RHOV: variants seen among roughly 807,000 people sequenced by gnomAD.
RHOV encodes ras homolog family member V.
In RHOV, 6 loss-of-function variants were observed where a neutral mutation model predicts 20.2. The observed-to-expected ratio is 0.30, with a 90% CI of 0.16 to 0.59. The LOEUF is 0.59. Ranked by LOEUF, RHOV falls within the 20% of genes least tolerant of loss-of-function variation. RHOV has a pLI of 0.89. For synonymous variants in RHOV, 136 were observed against 142.3 expected (o/e 0.96, Z 0.31); for missense variants, 275 against 319.4 (o/e 0.86, Z 1.06).
intron 1 of RHOV, 35 bp from the exon 2 acceptor site, chr15:40,873,777 A>G (rs1891922015): frequency 1.2e-6 from 2 of 1,607,724 alleles, no homozygotes; most frequent in East Asian, 2.2e-5. Context: ...CTGAGTTAGG[A>G]AGAGCGTCCT....
rs1296103748 is a variant in RHOV at position 40,873,075 on chromosome 15, ACTT to A, written c.691_693del (p.Lys231del). 4 of 1,613,898 alleles carry A rather than the reference ACTT, an allele frequency of 2.5e-6. No individual in the cohort carries two copies. The highest frequency in any genetic ancestry group is 2.2e-5 in the East Asian group (1 of 44,884). On this transcript the variant is annotated inframe_deletion, in exon 3 of 3. Transcript: ENST00000220507. ...ATAGCTGCTCAAACGAAGCAGAAGA[ACTT>A]CTTCCAGCGGCAGCGGGAGAGGGTG...
At position 40,872,940 on chromosome 15, in the gene RHOV, G is replaced by A; in HGVS notation, c.*118C>T. 1.4e-6 allele frequency: 1 copy of A among 717,136 alleles called. No homozygotes were observed. The allele number at this position is 717,136 out of a possible 1,614,324, so 44.4% of individuals were successfully genotyped here. A position where few individuals can be genotyped will look rare whatever the true frequency, so the allele number is the denominator to read the frequency against. The stretch of plus-strand genomic sequence containing the variant: ...CCCATGTCCCCCGAGTGTTCAGAAG[G>A]GAACTGAGTCCTATGAGGTGGCCAG... On this transcript the variant is annotated 3_prime_UTR_variant, in exon 3 of 3. Transcript: ENST00000220507.
In RHOV at chr15:40,873,969, G is replaced by A. The variant is rs1166232074; in HGVS notation, c.171C>T (p.Pro57=). 1 of 1,611,332 alleles carries A rather than the reference G, an allele frequency of 6.2e-7. No homozygotes were observed. Among genetic ancestry groups the A allele is most frequent in the Non-Finnish European group, 8.5e-7 (1 of 1,179,168 alleles). The change falls in exon 1 of 3, where the codon CCC becomes CCT. Residue 57 remains proline, a synonymous_variant. Coordinates refer to ENST00000220507, the MANE Select transcript of RHOV (RefSeq NM_133639.4). ...CCAGCGCAGTGGGCCGGTAGCGCGCGGGGTACCCATTGCAGGTGTAGCTGA... is the reference window on the plus strand; with the variant it reads ...CCAGCGCAGTGGGCCGGTAGCGCGCAGGGTACCCATTGCAGGTGTAGCTGA... ...LIVSYTCNGY[P]ARYRPTALDT...
chr15:40,873,632 G>A lies in RHOV; in HGVS notation c.267+52C>T, dbSNP rs1891919533. Reference sequence around the variant, plus strand: ...ATTTGCTCCATATGGGGTCCTCCCAGCCTCCAGCCCATCTCCCCGCAGACC... The same window carrying A: ...ATTTGCTCCATATGGGGTCCTCCCAACCTCCAGCCCATCTCCCCGCAGACC... On this transcript the variant is annotated intron_variant, in intron 2 of 2. Coordinates refer to ENST00000220507, the MANE Select transcript of RHOV (RefSeq NM_133639.4). 4 of 1,601,832 alleles carry A rather than the reference G, an allele frequency of 2.5e-6. No individual in the cohort carries two copies. The East Asian group carries it at 8.9e-5, about 36-fold the overall frequency.
chr15:40,873,610 T>C (rs1412684358), intron 2 of RHOV, 74 bp downstream of exon 2: 6 of 1,587,820 alleles, frequency 3.8e-6, no homozygotes, highest in Non-Finnish European at 3.5e-6. Flanking sequence ...TTTCTCCATT[T>C]GCTCCATATG....
In RHOV at chr15:40,873,683, C is replaced by A. The variant is rs143571101; in HGVS notation, c.267+1G>T. 3.7e-6 allele frequency: 6 copies of A among 1,613,950 alleles called. No homozygotes were observed. In the African/African-American group the frequency reaches 8.0e-5, roughly 22 times the overall value. ...AGTAGAGGCCGCGCCCAGCTTCTCA[C>A]CTGTCCCGCTGTGTCCCAGAGCTCA... On this transcript the variant is annotated splice_donor_variant, in intron 2 of 2. Coordinates refer to ENST00000220507, the MANE Select transcript of RHOV (RefSeq NM_133639.4). LOFTEE classifies it high-confidence loss of function.
At position 40,873,826 on chromosome 15, in the gene RHOV, C is replaced by T. The variant is rs545741242; in HGVS notation, c.209-84G>A. ...GCCACCTCGGGGCCTGCTCCAGTCT[C>T]CTCCCCGGGGTCCTCTGCGCCCTCC... On this transcript the variant is annotated intron_variant, in intron 1 of 2. Transcript: ENST00000220507. 4.1e-5 allele frequency: 63 copies of T among 1,550,640 alleles called. No homozygotes were observed. The African/African-American group carries it at 8.0e-4, about 20-fold the overall frequency.
In RHOV at chr15:40,873,951, A is replaced by T. The variant is rs778012702; in HGVS notation, c.189T>A (p.Thr63=). The T allele has an allele frequency of 2.5e-6, 4 of 1,611,052 alleles. No individual in the cohort carries two copies. In the African/African-American group the frequency reaches 4.0e-5, roughly 16 times the overall value. ...ACGTACCAGAGAAGGTGTCCAGCGCAGTGGGCCGGTAGCGCGCGGGGTACC... is the reference window on the plus strand; with the variant it reads ...ACGTACCAGAGAAGGTGTCCAGCGCTGTGGGCCGGTAGCGCGCGGGGTACC... ...CNGYPARYRP[T]ALDTFSVQVL... Residue 63 remains threonine (T), a synonymous_variant, in exon 1 of 3, where the codon ACT becomes ACA. Transcript: ENST00000220507.
At position 40,872,619 on chromosome 15, in the gene RHOV, C is replaced by T. The variant is rs1891900064; in HGVS notation, c.*439G>A. 1 of 162,458 alleles carries T rather than the reference C, an allele frequency of 6.2e-6. No homozygotes were observed. Among genetic ancestry groups the T allele is most frequent in the Non-Finnish European group, 1.3e-5 (1 of 74,692 alleles). The allele number at this position is 162,458 out of a possible 1,614,324, so 10.1% of individuals were successfully genotyped here. A position where few individuals can be genotyped will look rare whatever the true frequency, so the allele number is the denominator to read the frequency against. ...TCTCTCAATCTCTCGCCCACTCCATCCCAAACTTCTCTCCAAATCGGGGTT... is the reference window on the plus strand; with the variant it reads ...TCTCTCAATCTCTCGCCCACTCCATTCCAAACTTCTCTCCAAATCGGGGTT... On this transcript the variant is annotated 3_prime_UTR_variant, in exon 3 of 3. Coordinates refer to ENST00000220507, the MANE Select transcript of RHOV (RefSeq NM_133639.4).
rs1016053913 is a variant in RHOV at position 40,872,872 on chromosome 15, C to A, written c.*186G>T. The A allele has an allele frequency of 3.6e-6, 2 of 561,318 alleles. No individual in the cohort carries two copies. The highest frequency in any genetic ancestry group is 6.3e-6 in the Non-Finnish European group (2 of 317,758). 34.8% of individuals were successfully genotyped at this position (561,318 alleles called of 1,614,324 possible). The stretch of plus-strand genomic sequence containing the variant: ...TGGAGAAATCCAAATCAGAGCCTTC[C>A]CTCCTAGGCTCACCCAGGCATATCA... On this transcript the variant is annotated 3_prime_UTR_variant, in exon 3 of 3. Transcript: ENST00000220507.
chr15:40,873,663 A>T (rs1891920160), intron 2 of RHOV, 21 bp downstream of exon 2: 1 of 1,613,512 alleles, frequency 6.2e-7, no homozygotes, highest in South Asian at 1.1e-5. Flanking sequence ...AGACCAGTAG[A>T]GGCCGCGCCC....
chr15:40,872,959 T>A lies in RHOV; in HGVS notation c.*99A>T. The stretch of plus-strand genomic sequence containing the variant: ...CAGAAGGGAACTGAGTCCTATGAGG[T>A]GGCCAGGCCCTGCCAGTAGCTGCCG... On this transcript the variant is annotated 3_prime_UTR_variant, in exon 3 of 3. Transcript: ENST00000220507. 1 of 836,000 alleles carries A rather than the reference T, an allele frequency of 1.2e-6. No homozygotes were observed. The highest frequency in any genetic ancestry group is 2.0e-6 in the Non-Finnish European group (1 of 512,300). 51.8% of individuals were successfully genotyped at this position (836,000 alleles called of 1,614,324 possible).
At chr15:40,873,840 T>A in intron 1 of RHOV, 92 bp downstream of exon 1, 2 of 1,538,064 alleles carry the variant, frequency 1.3e-6, no homozygotes, top group South Asian at 1.2e-5. Flanking sequence ...CCCGGGGTCC[T>A]CTGCGCCCTC....
At chr15:40,873,576 C>G in intron 2 of RHOV, 75 bp from the exon 3 acceptor site, 1 of 1,586,556 alleles carries the variant, frequency 6.3e-7, no homozygotes, top group South Asian at 1.1e-5. Flanking sequence ...GGGCTGGAAA[C>G]CTGAGACTCC....
rs1193429866 is a variant in RHOV, at chr15:40,874,053, C to T, written c.87G>A (p.Glu29=). The change falls in exon 1 of 3, where the codon GAG becomes GAA. Residue 29 remains glutamate (E), a synonymous_variant. Coordinates refer to ENST00000220507, the MANE Select transcript of RHOV (RefSeq NM_133639.4). The part of the protein sequence containing the change: ...PPPRRRSAPP[E]LGIKCVLVGD... Reference sequence around the variant, plus strand: ...CCACCAGCACGCACTTGATGCCCAGCTCTGGGGGCGCGCTACGCCGCCGCG... The same window carrying T: ...CCACCAGCACGCACTTGATGCCCAGTTCTGGGGGCGCGCTACGCCGCCGCG... The T allele has an allele frequency of 4.5e-6, 7 of 1,570,046 alleles. 1 individual carries two copies. Among genetic ancestry groups the T allele is most frequent in the Non-Finnish European group, 1.7e-6 (2 of 1,162,416 alleles).
chr15:40,874,119 G>C lies in RHOV; in HGVS notation c.21C>G (p.Ser7Arg), dbSNP rs760568024. 48 of 1,364,114 alleles carry C rather than the reference G, an allele frequency of 3.5e-5. No individual in the cohort carries two copies. Among genetic ancestry groups the C allele is most frequent in the Non-Finnish European group, 4.5e-5 (48 of 1,064,524 alleles). 84.5% of individuals were successfully genotyped at this position (1,364,114 alleles called of 1,614,324 possible). The change falls in exon 1 of 3, where the codon AGC becomes AGG. Residue 7 changes from serine to arginine, a missense_variant. Coordinates refer to ENST00000220507, the MANE Select transcript of RHOV (RefSeq NM_133639.4). The stretch of plus-strand genomic sequence containing the variant: ...CCCGGAGCGGGGGCGGCTCGGCCTC[G>C]CTCAGCTCCCGCGGCGGCATGGCCC... MPPREL[S>R]EAEPPPLRAP...
In RHOV at chr15:40,874,041, C is replaced by G; in HGVS notation, c.99G>C (p.Lys33Asn). The G allele has an allele frequency of 6.3e-7, 1 of 1,596,396 alleles. No homozygotes were observed. Among genetic ancestry groups the G allele is most frequent in the Non-Finnish European group, 8.5e-7 (1 of 1,173,496 alleles). The change falls in exon 1 of 3, where the codon AAG becomes AAC. Residue 33 changes from lysine to asparagine, a missense_variant. Coordinates refer to ENST00000220507, the MANE Select transcript of RHOV (RefSeq NM_133639.4). ...RRSAPPELGI[K>N]CVLVGDGAVG... Reference sequence around the variant, plus strand: ...CGGCGCCGTCGCCCACCAGCACGCACTTGATGCCCAGCTCTGGGGGCGCGC... The same window carrying G: ...CGGCGCCGTCGCCCACCAGCACGCAGTTGATGCCCAGCTCTGGGGGCGCGC...
At position 40,873,361 on chromosome 15, in the gene RHOV, C is replaced by G; in HGVS notation, c.408G>C (p.Ala136=). Residue 136 remains alanine, a synonymous_variant, in exon 3 of 3, where the codon GCG becomes GCC. Coordinates refer to ENST00000220507, the MANE Select transcript of RHOV (RefSeq NM_133639.4). ...LPEIRTHNPQ[A]PVLLVGTQAD... ...CCTGGGTGCCCACCAGCAGCACAGG[C>G]GCCTGGGGGTTGTGCGTGCGGATCT... 6.2e-7 allele frequency: 1 copy of G among 1,613,144 alleles called. No individual in the cohort carries two copies. Among genetic ancestry groups the G allele is most frequent in the Non-Finnish European group, 8.5e-7 (1 of 1,179,976 alleles).
Position 40,873,393 on chromosome 15 carries a change from G to A in RHOV, c.376C>T (p.Leu126=). 1 of 1,613,098 alleles carries A rather than the reference G, an allele frequency of 6.2e-7. No individual in the cohort carries two copies. The highest frequency in any genetic ancestry group is 1.1e-5 in the South Asian group (1 of 91,046). ...SSFQNITEKW[L]PEIRTHNPQA... is the part of the protein sequence containing the mutation. ...GGGTTGTGCGTGCGGATCTCGGGCAGCCATTTCTCTGTGATGTTTTGAAAG... is the reference window on the plus strand; with the variant it reads ...GGGTTGTGCGTGCGGATCTCGGGCAACCATTTCTCTGTGATGTTTTGAAAG... The change falls in exon 3 of 3, where the codon CTG becomes TTG. Residue 126 remains leucine, a synonymous_variant. Coordinates refer to ENST00000220507, the MANE Select transcript of RHOV (RefSeq NM_133639.4).
Sources: allele counts gnomAD v4.1 joint callset, GRCh38; gene constraint gnomAD v4.1.1; transcripts MANE v1.5; gene names NCBI Gene and HGNC (gene_info 2026-07-23, HGNC 2026-07-21).